CNOT6: variants seen among roughly 807,000 people sequenced by gnomAD.
The protein encoded by CNOT6 is carbon catabolite repression 4 protein.
CNOT6 carries 12 observed loss-of-function variants against 61.2 expected under a neutral mutation model. That is an observed-to-expected ratio of 0.20 (90% CI 0.13 to 0.32). The LOEUF (loss-of-function observed/expected upper bound fraction) is 0.32, where lower values mean the gene tolerates loss of function less well. Ranked by LOEUF, CNOT6 falls within the 10% of genes least tolerant of loss-of-function variation. The pLI, the probability that CNOT6 is intolerant of heterozygous loss-of-function variation, is 1.00. For missense variants in CNOT6, 405 were observed against 663.9 expected (o/e 0.61, Z 4.28); for synonymous variants, 225 against 240.6 (o/e 0.94, Z 0.60).
rs1760625727 is a variant in CNOT6 at position 180,569,275 on chromosome 5, T to C, written c.1193T>C (p.Val398Ala). Residue 398 changes from valine to alanine, a missense_variant, in exon 10 of 12, where the codon GTT becomes GCT. Transcript: ENST00000261951. ...GCCTCTCGCAACCTCAAATCCAGTG[T>C]TTTGGGAGAATTTGGAACTATTCCA... Reference protein sequence around the residue: ...DKASRNLKSSVLGEFGTIPLV... With the variant: ...DKASRNLKSSALGEFGTIPLV... 1 of 1,614,084 alleles carries C rather than the reference T, an allele frequency of 6.2e-7. No individual in the cohort carries two copies. Among genetic ancestry groups the C allele is most frequent in the South Asian group, 1.1e-5 (1 of 91,092 alleles).
At chr5:180,539,029 G>T (rs1324209229) in intron 2 of CNOT6, among the ~76,000 whole-genome samples, 1 of 151,420 alleles carries the variant, frequency 6.6e-6, no homozygotes, top group Non-Finnish European at 1.5e-5. Flanking sequence ...CAAAAAATGA[G>T]CTGGGTGTGG....
Position 180,563,926 on chromosome 5 carries a change from C to T in CNOT6, c.386-563C>T, listed in dbSNP as rs536488370. ...TATTGAATTTACAGATGGCTCATGG[C>T]CCTGGGATTTTTTCCCCCTCCTTAG... On this transcript the variant is annotated intron_variant, in intron 4 of 11. Coordinates refer to ENST00000261951, the MANE Select transcript of CNOT6 (RefSeq NM_001370472.1). Among the ~76,000 whole-genome samples, 50 of 147,662 alleles carry T rather than the reference C, an allele frequency of 3.4e-4. 1 individual carries two copies. Among genetic ancestry groups the T allele is most frequent in the African/African-American group, 1.2e-3 (49 of 40,752 alleles).
chr5:180,560,550 C>G (rs1760112115), intron 4 of CNOT6, among the ~76,000 whole-genome samples: 1 of 152,198 alleles, frequency 6.6e-6, no homozygotes, highest in Non-Finnish European at 1.5e-5. Context: ...CTGCTTCCTT[C>G]TGGCTTCCAT....
At chr5:180,522,491 G>A (rs2127714435) in intron 1 of CNOT6, among the ~76,000 whole-genome samples, 1 of 152,310 alleles carries the variant, frequency 6.6e-6, no homozygotes, top group East Asian at 1.9e-4. Context: ...CCCACCAGCA[G>A]TGTATAAGTG....
chr5:180,568,060 G>A (rs1214980940), intron 9 of CNOT6, 57 bp downstream of exon 9: 1 of 1,501,132 alleles, frequency 6.7e-7, no homozygotes, highest in African/African-American at 1.4e-5. Context: ...ATCTTCAAAA[G>A]AATAGAAAAC....
chr5:180,509,107 A>G (rs926366482), intron 1 of CNOT6, among the ~76,000 whole-genome samples: 7 of 152,232 alleles, frequency 4.6e-5, no homozygotes, highest in African/African-American at 1.7e-4. Context: ...GGTGTGAGCC[A>G]CAGCGCCCGG....
At chr5:180,533,952 C>G (rs535091486) in intron 2 of CNOT6, among the ~76,000 whole-genome samples, 1 of 152,290 alleles carries the variant, frequency 6.6e-6, no homozygotes, top group Non-Finnish European at 1.5e-5. Flanking sequence ...AGGCAAAACT[C>G]GTGTCTCCTT....
chr5:180,500,369 C>T (rs1337120389), intron 1 of CNOT6, among the ~76,000 whole-genome samples: 2 of 152,142 alleles, frequency 1.3e-5, no homozygotes, highest in Admixed American at 1.3e-4. Flanking sequence ...GCCTCGGCCT[C>T]CCAAAGTGCT....
chr5:180,503,238 G>T (rs1214227357), intron 1 of CNOT6, among the ~76,000 whole-genome samples: 2 of 151,740 alleles, frequency 1.3e-5, no homozygotes, highest in African/African-American at 4.8e-5. Context: ...ACTTGATGCA[G>T]GTCTGACTCT....
intron 2 of CNOT6, among the ~76,000 whole-genome samples, chr5:180,535,321 C>T (rs1233732617): frequency 6.6e-6 from 1 of 152,162 alleles, no homozygotes; most frequent in Non-Finnish European, 1.5e-5. Flanking sequence ...TTCGCCCTCC[C>T]GTGTTTTGGA....
chr5:180,519,976 G>A (rs1757812048), intron 1 of CNOT6, among the ~76,000 whole-genome samples: 1 of 151,922 alleles, frequency 6.6e-6, no homozygotes, highest in Non-Finnish European at 1.5e-5. Context: ...TGGAATTATA[G>A]GCATGTGCCA....
intron 4 of CNOT6, among the ~76,000 whole-genome samples, chr5:180,556,438 A>T (rs940876974): frequency 2.0e-5 from 3 of 152,240 alleles, no homozygotes; most frequent in Admixed American, 6.5e-5. Flanking sequence ...ACAAATAAGT[A>T]TTCGAGGTGG....
chr5:180,554,913 T>G (rs1226233757), intron 4 of CNOT6, among the ~76,000 whole-genome samples: 1 of 152,194 alleles, frequency 6.6e-6, no homozygotes, highest in African/African-American at 2.4e-5. Context: ...TTTCCTAATC[T>G]TACACTATAT....
chr5:180,576,821 C>T lies in CNOT6; in HGVS notation c.*2621C>T, dbSNP rs955341009. 1.3e-5 allele frequency: 2 copies of T among 151,920 alleles called. No individual in the cohort carries two copies. Among genetic ancestry groups the T allele is most frequent in the African/African-American group, 2.4e-5 (1 of 41,370 alleles). The allele number at this position is 151,920 out of a possible 1,614,324, so 9.4% of individuals were successfully genotyped here. A position where few individuals can be genotyped will look rare whatever the true frequency, so the allele number is the denominator to read the frequency against. ...TGCAATAAAAACTAGTATGTTTTCA[C>T]GGTGTATATTTTTTTTCAAAAATTC... On this transcript the variant is annotated 3_prime_UTR_variant, in exon 12 of 12. Transcript: ENST00000261951.
At chr5:180,535,906 T>G (rs1758662391) in intron 2 of CNOT6, among the ~76,000 whole-genome samples, 2 of 152,126 alleles carry the variant, frequency 1.3e-5, no homozygotes, top group Non-Finnish European at 2.9e-5. Flanking sequence ...TGATGATTAT[T>G]GATGTTGAGC....
chr5:180,497,378 C>T (rs1384504536), intron 1 of CNOT6, among the ~76,000 whole-genome samples: 1 of 150,462 alleles, frequency 6.6e-6, no homozygotes, highest in African/African-American at 2.4e-5. Context: ...CATTCCAGTA[C>T]CTATATTTGC....
chr5:180,494,944 C>T lies in CNOT6; in HGVS notation c.-3+181C>T, dbSNP rs898258067. Among the ~76,000 whole-genome samples, 7 of 151,508 alleles carry T rather than the reference C, an allele frequency of 4.6e-5. No individual in the cohort carries two copies. The South Asian group carries it at 1.0e-3, about 22-fold the overall frequency. On this transcript the variant is annotated intron_variant, in intron 1 of 11. Transcript: ENST00000261951. The stretch of plus-strand genomic sequence containing the variant: ...TCGACGCGCCGCGATCGCGCCCCGC[C>T]CCGGGCCGCGCCCCCGGGCCGAGTC...
Position 180,567,999 on chromosome 5 carries a change from G to A in CNOT6, c.1023G>A (p.Met341Ile). The A allele has an allele frequency of 1.2e-6, 2 of 1,605,012 alleles. No homozygotes were observed. The highest frequency in any genetic ancestry group is 1.1e-5 in the South Asian group (1 of 90,298). ...LLELRKESIE[M>I]PSGKPHLGTE... ...AACTTCGGAAGGAATCGATTGAAATGCCGTGTGAGTGCCCTTCACTTCCTG... is the reference window on the plus strand; with the variant it reads ...AACTTCGGAAGGAATCGATTGAAATACCGTGTGAGTGCCCTTCACTTCCTG... Residue 341 changes from methionine (M) to isoleucine (I), a missense_variant, in exon 9 of 12, where the codon ATG (methionine) becomes ATA (isoleucine). Physicochemically the swap from Met to Ile is conservative, Grantham distance 10. Transcript: ENST00000261951.
At chr5:180,550,400 A>C (rs1403605093) in intron 3 of CNOT6, among the ~76,000 whole-genome samples, 2 of 151,954 alleles carry the variant, frequency 1.3e-5, no homozygotes, top group Non-Finnish European at 2.9e-5. Flanking sequence ...CAGTGAGCCG[A>C]GATCACACCG....
Sources: allele counts gnomAD v4.1 joint callset (sites outside exome capture counted in the v4.1 genomes callset), GRCh38; gene constraint gnomAD v4.1.1; transcripts MANE v1.5; gene names NCBI Gene and HGNC (gene_info 2026-07-23, HGNC 2026-07-21).